Variants in LDB2 observed in about 807,000 individuals in gnomAD.
The protein encoded by LDB2 is LIM domain binding 2.
In LDB2, 12 loss-of-function variants were observed where a neutral mutation model predicts 44.3. The observed-to-expected ratio is 0.27, with a 90% CI of 0.17 to 0.44. The LOEUF (loss-of-function observed/expected upper bound fraction) is 0.44. Among genes scored for constraint, LDB2 ranks in the 20% least tolerant of loss-of-function variants. LDB2 has a pLI of 1.00. For synonymous variants in LDB2, 164 were observed against 174.8 expected (o/e 0.94, Z 0.49); for missense variants, 344 against 473.5 (o/e 0.73, Z 2.54).
At chr4:16,756,683 T>A (rs1343362539) in intron 2 of LDB2, among the ~76,000 whole-genome samples, 2 of 152,178 alleles carry the variant, frequency 1.3e-5, no homozygotes, top group Non-Finnish European at 1.5e-5. Context: ...ATGTATGAGT[T>A]CCTGTATTAA....
At chr4:16,761,776 C>T (rs182030958) in intron 1 of LDB2, among the ~76,000 whole-genome samples, 96 of 152,240 alleles carry the variant, frequency 6.3e-4, no homozygotes, top group South Asian at 1.9e-3. Flanking sequence ...TGCCCTTTCC[C>T]TGCCTCTGTC....
Position 16,847,616 on chromosome 4 carries a change from T to C in LDB2, c.132+50738A>G, listed in dbSNP as rs550606638. Among the ~76,000 whole-genome samples the C allele has an allele frequency of 6.6e-5, 10 of 152,058 alleles. No individual in the cohort carries two copies. The East Asian group carries it at 1.5e-3, about 24-fold the overall frequency. ...ACACATGTTTGTTTGTTTGTTTGTTTGTTTGTTTGTTTGTTTTTTGAGACG... is the reference window on the plus strand; with the variant it reads ...ACACATGTTTGTTTGTTTGTTTGTTCGTTTGTTTGTTTGTTTTTTGAGACG... On this transcript the variant is annotated intron_variant, in intron 1 of 7. Coordinates refer to ENST00000304523, the MANE Select transcript of LDB2 (RefSeq NM_001290.5).
intron 2 of LDB2, among the ~76,000 whole-genome samples, chr4:16,694,640 T>C (rs1453893005): frequency 1.3e-5 from 2 of 151,366 alleles, no homozygotes; most frequent in South Asian, 2.1e-4. Flanking sequence ...TTGAAACTTA[T>C]GATGGGGTGT....
At chr4:16,799,143 G>A (rs1052127844) in intron 1 of LDB2, among the ~76,000 whole-genome samples, 4 of 152,282 alleles carry the variant, frequency 2.6e-5, no homozygotes, top group East Asian at 1.9e-4. Context: ...ATGAGCCACC[G>A]CGCCCGGCTC....
intron 2 of LDB2, among the ~76,000 whole-genome samples, chr4:16,720,711 G>A (rs539594549): frequency 6.6e-6 from 1 of 152,050 alleles, no homozygotes; most frequent in South Asian, 2.1e-4. Flanking sequence ...ATGGATGTTC[G>A]TATATTTATG....
intron 2 of LDB2, among the ~76,000 whole-genome samples, chr4:16,684,412 A>G (rs1460523193): frequency 6.6e-6 from 1 of 152,224 alleles, no homozygotes; most frequent in Non-Finnish European, 1.5e-5. Flanking sequence ...TCCAATCATA[A>G]TAAGAACTAA....
At chr4:16,726,640 C>A (rs1759533856) in intron 2 of LDB2, 1 of 152,140 alleles carries the variant, frequency 6.6e-6, no homozygotes, top group South Asian at 2.1e-4. Context: ...GTTTAAGCCA[C>A]CTTAGCCGAA....
In LDB2 at chr4:16,669,443, C is replaced by T. The variant is rs561982001; in HGVS notation, c.236-73568G>A. Among the ~76,000 whole-genome samples, 5 of 152,268 alleles carry T rather than the reference C, an allele frequency of 3.3e-5. No homozygotes were observed. The South Asian group carries it at 1.0e-3, about 32-fold the overall frequency. On this transcript the variant is annotated intron_variant, in intron 2 of 7. Coordinates refer to ENST00000304523, the MANE Select transcript of LDB2 (RefSeq NM_001290.5). ...TTCAGTCCACTAAAATCTGGACCCT[C>T]ATTTTTAATCAAGTTCTTCCAGCCT... is the stretch of plus-strand genomic sequence containing the variant.
chr4:16,600,486 A>T (rs1722278392), intron 2 of LDB2, among the ~76,000 whole-genome samples: 1 of 152,182 alleles, frequency 6.6e-6, no homozygotes. Flanking sequence ...TGAGTAAAAT[A>T]TACCATACAT....
intron 7 of LDB2, chr4:16,505,823 G>A (rs1719202983): frequency 2.0e-6 from 3 of 1,534,078 alleles, no homozygotes; most frequent in Middle Eastern, 1.7e-4. Context: ...CTAATCCCCC[G>A]TGCAAAGACC....
At chr4:16,579,092 G>A (rs986686941) in intron 5 of LDB2, among the ~76,000 whole-genome samples, 1 of 152,074 alleles carries the variant, frequency 6.6e-6, no homozygotes, top group Non-Finnish European at 1.5e-5. Flanking sequence ...CCCAAACAGA[G>A]TTAGAAAGAA....
chr4:16,831,188 T>TC (rs1784012966), intron 1 of LDB2, among the ~76,000 whole-genome samples: 1 of 151,010 alleles, frequency 6.6e-6, no homozygotes, highest in African/African-American at 2.4e-5. Flanking sequence ...TTTTTTTTTT[T>TC]TTTTCTATTT....
chr4:16,540,572 A>G (rs982880134), intron 5 of LDB2, among the ~76,000 whole-genome samples: 2 of 152,148 alleles, frequency 1.3e-5, no homozygotes, highest in African/African-American at 2.4e-5. Flanking sequence ...GTCGCTGGCT[A>G]TGTCCTTTGA....
chr4:16,679,028 T>C (rs6848653), intron 2 of LDB2, among the ~76,000 whole-genome samples: 30,227 of 152,170 alleles, frequency 0.2, 3,160 homozygotes, highest in East Asian at 0.36. Flanking sequence ...TGTTAGGTTA[T>C]AGAGACAAAT....
intron 1 of LDB2, among the ~76,000 whole-genome samples, chr4:16,798,351 C>T (rs1777136354): frequency 6.6e-6 from 1 of 152,120 alleles, no homozygotes; most frequent in African/African-American, 2.4e-5. Flanking sequence ...ACTATGGGAT[C>T]AAGTCCATCT....
At chr4:16,868,480 C>T (rs1335784280) in intron 1 of LDB2, among the ~76,000 whole-genome samples, 1 of 152,196 alleles carries the variant, frequency 6.6e-6, no homozygotes, top group African/African-American at 2.4e-5. Context: ...CACCCCCACC[C>T]AACCCCTTCT....
At chr4:16,819,940 A>C (rs1781633856) in intron 1 of LDB2, among the ~76,000 whole-genome samples, 1 of 152,114 alleles carries the variant, frequency 6.6e-6, no homozygotes, top group African/African-American at 2.4e-5. Context: ...AGAATGTGGG[A>C]CCAAGTAATT....
intron 3 of LDB2, among the ~76,000 whole-genome samples, chr4:16,591,333 G>A (rs756473734): frequency 5.9e-5 from 9 of 152,072 alleles, no homozygotes; most frequent in Non-Finnish European, 1.3e-4. Context: ...CTTTGTTCAC[G>A]GTAACAGAGC....
intron 1 of LDB2, among the ~76,000 whole-genome samples, chr4:16,803,310 T>C (rs1335859008): frequency 6.6e-6 from 1 of 152,172 alleles, no homozygotes; most frequent in Non-Finnish European, 1.5e-5. Flanking sequence ...GGGAATCAGA[T>C]AGAAAACATT....
Sources: allele counts gnomAD v4.1 joint callset (sites outside exome capture counted in the v4.1 genomes callset), GRCh38; gene constraint gnomAD v4.1.1; transcripts MANE v1.5; gene names NCBI Gene and HGNC (gene_info 2026-07-23, HGNC 2026-07-21).